Variants in TMEM243 observed in about 807,000 individuals in gnomAD.
TMEM243 encodes the protein MDR1 and mitochondrial taxol resistance associated.
TMEM243 carries 20 observed loss-of-function variants against 15.0 expected under a neutral mutation model. That is an observed-to-expected ratio of 1.33 (90% CI 0.94 to 1.93). TMEM243 has a LOEUF of 1.93. TMEM243 is among the 30% of genes most tolerant of loss of function. TMEM243 has a pLI of 0.00. For missense variants in TMEM243, 156 were observed against 142.1 expected (o/e 1.10, Z -0.50); for synonymous variants, 72 against 52.7 (o/e 1.37, Z -1.59).
chr7:87,213,455 T>C (rs1362974750), intron 1 of TMEM243, among the ~76,000 whole-genome samples: 3 of 152,232 alleles, frequency 2.0e-5, no homozygotes, highest in Non-Finnish European at 2.9e-5. Context: ...CTTGATCACC[T>C]AGAAGCTCTA....
At position 87,198,050 on chromosome 7, in the gene TMEM243, A is replaced by T; in HGVS notation, c.130-5T>A. ...AAAAGCACTTATCAGCGTTACCTGT[A>T]TGAAGAGAAATTATGTAAGGCCTTA... On this transcript the variant is annotated splice_polypyrimidine_tract_variant and splice_region_variant and intron_variant, in intron 2 of 3. Transcript: ENST00000257637. 3.7e-6 allele frequency: 6 copies of T among 1,610,408 alleles called. No individual in the cohort carries two copies. Among genetic ancestry groups the T allele is most frequent in the Non-Finnish European group, 5.1e-6 (6 of 1,177,806 alleles).
At chr7:87,201,233 A>C (rs1016312050) in intron 1 of TMEM243, among the ~76,000 whole-genome samples, 7 of 152,208 alleles carry the variant, frequency 4.6e-5, no homozygotes, top group Non-Finnish European at 2.9e-5. Context: ...TCAGGTATGC[A>C]GAGTTAACTT....
At chr7:87,209,649 TGA>T (rs1235702211) in intron 1 of TMEM243, among the ~76,000 whole-genome samples, 5 of 30,090 alleles carry the variant, frequency 1.7e-4, no homozygotes, top group Admixed American at 3.6e-4. Flanking sequence ...AGAGAGACAG[TGA>T]GAGACAGAGC....
Position 87,196,765 on chromosome 7 carries a change from G to C in TMEM243, c.235-7C>G. ...CTTGTCGATACCAGTAGATCTAAAAGAAGAATTAAAGTTTATAAATTAAAA... is the reference window on the plus strand; with the variant it reads ...CTTGTCGATACCAGTAGATCTAAAACAAGAATTAAAGTTTATAAATTAAAA... On this transcript the variant is annotated splice_polypyrimidine_tract_variant and splice_region_variant and intron_variant, in intron 3 of 3. Transcript: ENST00000257637. The C allele has an allele frequency of 6.5e-7, 1 of 1,527,318 alleles. No individual in the cohort carries two copies. The highest frequency in any genetic ancestry group is 8.9e-7 in the Non-Finnish European group (1 of 1,126,608). The allele number at this position is 1,527,318 out of a possible 1,614,324, so 94.6% of individuals were successfully genotyped here. A position where few individuals can be genotyped will look rare whatever the true frequency, so the allele number is the denominator to read the frequency against.
At chr7:87,210,000 AG>A (rs1260603064) in intron 1 of TMEM243, among the ~76,000 whole-genome samples, 1 of 85,878 alleles carries the variant, frequency 1.2e-5, no homozygotes, top group African/African-American at 4.7e-5. Flanking sequence ...GAGGAGAGGG[AG>A]GGGGGACAGA....
chr7:87,196,635 C>G lies in TMEM243; in HGVS notation c.*1G>C. 1 of 1,607,440 alleles carries G rather than the reference C, an allele frequency of 6.2e-7. No individual in the cohort carries two copies. Among genetic ancestry groups the G allele is most frequent in the Non-Finnish European group, 8.5e-7 (1 of 1,177,248 alleles). On this transcript the variant is annotated 3_prime_UTR_variant, in exon 4 of 4. Transcript: ENST00000257637. Reference sequence around the variant, plus strand: ...CTGGTAAGTACTTCTCCTTGGCAGCCTCACCTTCCCACATCATGGAAGTAC... The same window carrying G: ...CTGGTAAGTACTTCTCCTTGGCAGCGTCACCTTCCCACATCATGGAAGTAC...
chr7:87,197,687 A>C, intron 3 of TMEM243: 2 of 1,170,050 alleles, frequency 1.7e-6, no homozygotes, highest in Non-Finnish European at 1.1e-6. Context: ...TCTTTCCACT[A>C]ATTTTTTTTT....
chr7:87,211,260 T>C (rs1055822382), intron 1 of TMEM243, among the ~76,000 whole-genome samples: 4 of 152,320 alleles, frequency 2.6e-5, no homozygotes, highest in Middle Eastern at 3.4e-3. Flanking sequence ...TATAAAAGGC[T>C]CAATCCCATT....
At chr7:87,219,793 C>G (rs1207703036), upstream of TMEM243, 1 of 448,104 alleles carries the variant, frequency 2.2e-6, no homozygotes, top group Non-Finnish European at 4.0e-6. Context: ...GGGCAGCTCC[C>G]ACTTCCTCAA....
chr7:87,217,066 C>A (rs1803167229), intron 1 of TMEM243: 1 of 152,264 alleles, frequency 6.6e-6, no homozygotes, highest in East Asian at 1.9e-4. Flanking sequence ...CTAGACTCTT[C>A]TCTGCTCTTT....
chr7:87,210,911 G>A (rs113084458), intron 1 of TMEM243, among the ~76,000 whole-genome samples: 1,711 of 152,352 alleles, frequency 0.011, 31 homozygotes, highest in African/African-American at 0.037. Flanking sequence ...CCAACAGCAC[G>A]TGGAAGCCAC....
intron 1 of TMEM243, among the ~76,000 whole-genome samples, chr7:87,209,539 AGT>A (rs1491532902): frequency 5.8e-4 from 6 of 10,428 alleles, no homozygotes; most frequent in African/African-American, 1.6e-3. Flanking sequence ...TGAGAGAGAA[AGT>A]GAGAGACAAT....
chr7:87,197,965 C>G lies in TMEM243; in HGVS notation c.210G>C (p.Leu70Phe). ...CAAGTATGCAGGCAGTAATACTACT[C>G]AAAGAGATGCAGACAGCAAAGAATA... ...LNIFFAVCISLSSITACILIY... is the reference protein window; with the variant it reads ...LNIFFAVCISFSSITACILIY... Residue 70 changes from leucine to phenylalanine, a missense_variant, in exon 3 of 4, where the codon TTG (leucine) becomes TTC (phenylalanine). Coordinates refer to ENST00000257637, the MANE Select transcript of TMEM243 (RefSeq NM_024315.4). 6.2e-7 allele frequency: 1 copy of G among 1,612,994 alleles called. No homozygotes were observed. The highest frequency in any genetic ancestry group is 8.5e-7 in the Non-Finnish European group (1 of 1,179,346).
At chr7:87,209,698 GAC>G (rs1491381067) in intron 1 of TMEM243, among the ~76,000 whole-genome samples, 8 of 148,890 alleles carry the variant, frequency 5.4e-5, no homozygotes, top group African/African-American at 2.0e-4. Flanking sequence ...GAGAGAGCGA[GAC>G]ACAGTGAGAG....
intron 1 of TMEM243, among the ~76,000 whole-genome samples, chr7:87,209,612 C>CAG (rs376909609): frequency 0.034 from 3,856 of 113,656 alleles, 287 homozygotes; most frequent in African/African-American, 0.12. Flanking sequence ...GAGAGAGAGA[C>CAG]AGAGAGAGAG....
chr7:87,205,176 C>T (rs1271112099), intron 1 of TMEM243, among the ~76,000 whole-genome samples: 2 of 152,212 alleles, frequency 1.3e-5, no homozygotes, highest in Non-Finnish European at 2.9e-5. Context: ...GGGCCCAGCC[C>T]ACAAAACCAT....
rs561474277 is a variant in TMEM243, at chr7:87,200,185, G to A, written c.79-1128C>T. Reference sequence around the variant, plus strand: ...TATTGGATGTGTGTGATCTAACCAAGGACAAATCACAACTCTCCAGACCAA... The same window carrying A: ...TATTGGATGTGTGTGATCTAACCAAAGACAAATCACAACTCTCCAGACCAA... On this transcript the variant is annotated intron_variant, in intron 1 of 3. Transcript: ENST00000257637. Among the ~76,000 whole-genome samples the A allele has an allele frequency of 3.7e-3, 569 of 152,170 alleles. 2 individuals carry two copies. The highest frequency in any genetic ancestry group is 6.1e-3 in the Non-Finnish European group (415 of 68,002).
At chr7:87,210,877 C>G (rs1802696975) in intron 1 of TMEM243, among the ~76,000 whole-genome samples, 1 of 152,258 alleles carries the variant, frequency 6.6e-6, no homozygotes, top group African/African-American at 2.4e-5. Flanking sequence ...CTCCCAAACT[C>G]TTGCCTTCTG....
chr7:87,208,090 C>T (rs1472161454), intron 1 of TMEM243, among the ~76,000 whole-genome samples: 1 of 152,166 alleles, frequency 6.6e-6, no homozygotes, highest in Non-Finnish European at 1.5e-5. Flanking sequence ...CACAGCCAAA[C>T]CATATAATTT....
Sources: gnomAD v4.1 joint callset for allele counts (sites outside exome capture counted in the v4.1 genomes callset) on GRCh38, gnomAD v4.1.1 for gene constraint, MANE v1.5 for transcripts, NCBI Gene and HGNC (gene_info 2026-07-23, HGNC 2026-07-21) for gene names.